RBPMS2: variants seen among roughly 807,000 people sequenced by gnomAD.
The protein encoded by RBPMS2 is RNA binding protein, mRNA processing factor 2.
A neutral mutation model predicts 25.7 loss-of-function variants in RBPMS2; 14 were observed. That is an observed-to-expected ratio of 0.55 (90% CI 0.36 to 0.85). RBPMS2 has a LOEUF of 0.85. RBPMS2 is among the 40% of genes least tolerant of loss of function. The pLI is 0.01. For synonymous variants in RBPMS2, 127 were observed against 115.6 expected (o/e 1.10, Z -0.63); for missense variants, 252 against 283.4 (o/e 0.89, Z 0.80).
intron 2 of RBPMS2, 39 bp from the exon 3 acceptor site, chr15:64,750,420 G>A (rs761423566): frequency 2.5e-6 from 4 of 1,591,474 alleles, no homozygotes; most frequent in Middle Eastern, 1.7e-4. Context: ...AAGGTCAGAA[G>A]CGTATGTTGT....
chr15:64,751,714 G>A (rs1471897035), intron 1 of RBPMS2, 76 bp from the exon 2 acceptor site: 2 of 1,224,178 alleles, frequency 1.6e-6, no homozygotes, highest in Non-Finnish European at 1.2e-6. Context: ...CCTTCAGGCA[G>A]GCAACTGGAA....
chr15:64,752,209 A>C (rs2083688825), intron 1 of RBPMS2, among the ~76,000 whole-genome samples: 1 of 152,072 alleles, frequency 6.6e-6, no homozygotes, highest in Non-Finnish European at 1.5e-5. Flanking sequence ...AAAAATGTAC[A>C]TGTAAAAATG....
rs376331965 is a variant in RBPMS2, at chr15:64,750,319, A to T, written c.204+24T>A. The stretch of plus-strand genomic sequence containing the variant: ...CAGCAGCCGGTCTGGGCTGGGAGGA[A>T]GAAAACCCTAGGAGAGAAATTACCT... On this transcript the variant is annotated intron_variant, in intron 3 of 7. Coordinates refer to ENST00000300069, the MANE Select transcript of RBPMS2 (RefSeq NM_194272.3). The T allele has an allele frequency of 6.8e-6, 11 of 1,609,204 alleles. No individual in the cohort carries two copies. In the African/African-American group the frequency reaches 1.5e-4, roughly 21 times the overall value.
At chr15:64,770,093 C>T (rs2083882114) in intron 1 of RBPMS2, among the ~76,000 whole-genome samples, 1 of 151,934 alleles carries the variant, frequency 6.6e-6, no homozygotes. Context: ...GCAGGATAAT[C>T]GCTTGAACCT....
At chr15:64,752,843 C>T (rs912802312) in intron 1 of RBPMS2, among the ~76,000 whole-genome samples, 3 of 152,224 alleles carry the variant, frequency 2.0e-5, no homozygotes, top group East Asian at 1.9e-4. Context: ...AACTCCTGAC[C>T]GCAAGTGATC....
chr15:64,760,459 C>T (rs1316085834), intron 1 of RBPMS2, among the ~76,000 whole-genome samples: 1 of 152,142 alleles, frequency 6.6e-6, no homozygotes, highest in Admixed American at 6.6e-5. Flanking sequence ...CAGTGGTAGG[C>T]TCAGGGATAT....
intron 6 of RBPMS2, among the ~76,000 whole-genome samples, chr15:64,747,186 G>A (rs889531920): frequency 2.0e-5 from 3 of 152,170 alleles, no homozygotes; most frequent in African/African-American, 7.2e-5. Context: ...TGCGGAGCCA[G>A]GGAGCATTCC....
intron 1 of RBPMS2, among the ~76,000 whole-genome samples, chr15:64,753,678 C>T (rs1031192781): frequency 1.1e-4 from 17 of 152,120 alleles, no homozygotes; most frequent in Admixed American, 3.9e-4. Flanking sequence ...CCGCTTGGGA[C>T]GCATCTTCTC....
intron 1 of RBPMS2, among the ~76,000 whole-genome samples, chr15:64,769,233 C>G (rs1374322367): frequency 6.6e-6 from 1 of 150,914 alleles, no homozygotes; most frequent in Non-Finnish European, 1.5e-5. Flanking sequence ...GAGGCCGAGG[C>G]CTCCCAACAT....
chr15:64,745,172 C>T (rs759721647), intron 6 of RBPMS2, among the ~76,000 whole-genome samples: 1 of 152,022 alleles, frequency 6.6e-6, no homozygotes, highest in Non-Finnish European at 1.5e-5. Context: ...AGATTCATAC[C>T]TATAGATTTA....
At chr15:64,768,444 G>A (rs2083865327) in intron 1 of RBPMS2, among the ~76,000 whole-genome samples, 1 of 152,070 alleles carries the variant, frequency 6.6e-6, no homozygotes, top group African/African-American at 2.4e-5. Context: ...TTCGAGACCA[G>A]CCTGCCAACA....
chr15:64,751,526 G>C (rs1269812824), intron 2 of RBPMS2, 35 bp downstream of exon 2: 2 of 1,589,608 alleles, frequency 1.3e-6, no homozygotes, highest in Non-Finnish European at 8.6e-7. Context: ...CAGGGTCCCA[G>C]GCTCTACCCA....
intron 6 of RBPMS2, among the ~76,000 whole-genome samples, chr15:64,742,126 T>C (rs1179135622): frequency 6.6e-6 from 1 of 152,060 alleles, no homozygotes; most frequent in Non-Finnish European, 1.5e-5. Flanking sequence ...GATCGCGCCA[T>C]TGCACTCCCG....
intron 6 of RBPMS2, among the ~76,000 whole-genome samples, chr15:64,746,243 C>T (rs756263341): frequency 2.0e-5 from 3 of 152,140 alleles, no homozygotes; most frequent in Non-Finnish European, 2.9e-5. Context: ...TCCCCAAAAA[C>T]GCCACTATCC....
At chr15:64,767,330 C>T (rs1453318815) in intron 1 of RBPMS2, among the ~76,000 whole-genome samples, 1 of 152,106 alleles carries the variant, frequency 6.6e-6, no homozygotes, top group Non-Finnish European at 1.5e-5. Flanking sequence ...TTGCCAGAGG[C>T]GTGTGGATCC....
chr15:64,769,770 G>A (rs993806027), intron 1 of RBPMS2, among the ~76,000 whole-genome samples: 2 of 152,204 alleles, frequency 1.3e-5, no homozygotes, highest in Admixed American at 6.5e-5. Context: ...TCCTGGCAGG[G>A]GCTGACAGCT....
intron 1 of RBPMS2, among the ~76,000 whole-genome samples, chr15:64,762,791 G>A (rs1244924500): frequency 1.3e-5 from 2 of 152,100 alleles, no homozygotes; most frequent in Non-Finnish European, 2.9e-5. Context: ...AGTAGAATGC[G>A]ACTGAGTCTC....
At chr15:64,756,839 C>T (rs1467141937) in intron 1 of RBPMS2, among the ~76,000 whole-genome samples, 3 of 148,294 alleles carry the variant, frequency 2.0e-5, no homozygotes, top group African/African-American at 7.5e-5. Context: ...AGGGTTTCAC[C>T]ACGTTGGCCA....
At chr15:64,761,588 G>A (rs564175684) in intron 1 of RBPMS2, among the ~76,000 whole-genome samples, 3 of 152,152 alleles carry the variant, frequency 2.0e-5, no homozygotes, top group Admixed American at 2.0e-4. Flanking sequence ...GCTCAGGCTG[G>A]AGTGCAGTGG....
Sources: gnomAD v4.1 joint callset for allele counts (sites outside exome capture counted in the v4.1 genomes callset) on GRCh38, gnomAD v4.1.1 for gene constraint, MANE v1.5 for transcripts, NCBI Gene and HGNC (gene_info 2026-07-23, HGNC 2026-07-21) for gene names.